Variants in MYH7B observed in about 807,000 individuals in gnomAD.
MYH7B encodes the protein myosin-7B.
MYH7B carries 205 observed loss-of-function variants against 234.5 expected under a neutral mutation model. The observed-to-expected ratio is 0.87, with a 90% CI of 0.78 to 0.98. MYH7B has a LOEUF of 0.98. MYH7B is among the 50% of genes least tolerant of loss of function. MYH7B has a pLI of 0.00. For synonymous variants in MYH7B, 1,193 were observed against 1,105.0 expected (o/e 1.08, Z -1.58); for missense variants, 2,652 against 2,633.4 (o/e 1.01, Z -0.15).
chr20:34,991,746 C>G (rs1205161421), intron 24 of MYH7B, among the ~76,000 whole-genome samples: 1 of 152,194 alleles, frequency 6.6e-6, no homozygotes, highest in Non-Finnish European at 1.5e-5. Flanking sequence ...ATCCATCGTT[C>G]CTTCTCCCTC....
chr20:34,979,529 C>A, intron 6 of MYH7B, 33 bp downstream of exon 6: 1 of 1,600,684 alleles, frequency 6.2e-7, no homozygotes. Context: ...ATTAGCCTCT[C>A]TGTCCCTAGG....
chr20:34,991,229 C>A, intron 24 of MYH7B, 108 bp downstream of exon 24: 1 of 801,000 alleles, frequency 1.2e-6, no homozygotes, highest in Non-Finnish European at 2.0e-6. Flanking sequence ...GAGGGGGAAG[C>A]AGGGACTGTG....
intron 19 of MYH7B, 132 bp downstream of exon 19, chr20:34,988,394 A>C: frequency 9.7e-7 from 1 of 1,026,250 alleles, no homozygotes; most frequent in African/African-American, 1.6e-5. Context: ...TGCAGTAAGC[A>C]TGCATGTGAG....
At chr20:34,999,359 ACTTGAAGCC>A in exon 36 of MYH7B, 4 of 1,545,050 alleles carry the variant, frequency 2.6e-6, no homozygotes, top group Non-Finnish European at 3.5e-6. Context: ...ACGAGGAGGC[ACTTGAAGCC>A]CTGGAGACGC....
exon 24 of MYH7B, chr20:34,991,030 C>T (rs1477152970): frequency 1.9e-6 from 3 of 1,613,606 alleles, no homozygotes; most frequent in Admixed American, 3.3e-5. Flanking sequence ...CTTGGTGCTA[C>T]ACCAGCTGCG....
intron 2 of MYH7B, among the ~76,000 whole-genome samples, chr20:34,963,955 A>G (rs1426351292): frequency 6.6e-6 from 1 of 152,120 alleles, no homozygotes; most frequent in Non-Finnish European, 1.5e-5. Flanking sequence ...TCACTGCTCT[A>G]TAGGTTTCAT....
At chr20:35,002,381 G>A (rs2147253795) in exon 45 of MYH7B, 2 of 502,820 alleles carry the variant, frequency 4.0e-6, no homozygotes, top group Non-Finnish European at 3.3e-6. Flanking sequence ...CAGTCCTAGG[G>A]ACAAAAGCCA....
chr20:34,993,485 G>C lies in MYH7B; in HGVS notation c.2444+15G>C, dbSNP rs1212229475. The C allele has an allele frequency of 6.4e-7, 1 of 1,574,242 alleles. No individual in the cohort carries two copies. The highest frequency in any genetic ancestry group is 2.0e-4 in the Middle Eastern group (1 of 5,026). On this transcript the variant is annotated intron_variant, in intron 26 of 44. Transcript: ENST00000262873. ...CTGGGAGGCAGGTGGGTGTGGGAAG[G>C]AGGCTGGGGACAGGGTGTGTCCCCT...
At chr20:34,988,254 A>G (rs1219324248) in exon 19 of MYH7B, 2 of 1,611,646 alleles carry the variant, frequency 1.2e-6, no homozygotes, top group African/African-American at 1.3e-5. Context: ...CATCGACCTC[A>G]TCGAGAAGGT....
intron 26 of MYH7B, among the ~76,000 whole-genome samples, chr20:34,993,922 C>T (rs187407452): frequency 5.3e-5 from 8 of 152,334 alleles, no homozygotes; most frequent in Admixed American, 1.3e-4. Context: ...TGGTGTCTTC[C>T]GGGAATTGCA....
rs2425014 is a variant in MYH7B, at chr20:34,995,311, T to A, written c.2701-25T>A. On this transcript the variant is annotated intron_variant, in intron 27 of 44. Coordinates refer to ENST00000262873, the Ensembl canonical transcript of MYH7B. The stretch of plus-strand genomic sequence containing the variant: ...TGGTTTACCTGGCCCTCCCCCAACC[T>A]GGCCCCGTTCCGTGTGCCCTCCAGG... 6.2e-7 allele frequency: 1 copy of A among 1,603,056 alleles called. No homozygotes were observed.
chr20:34,967,210 C>T (rs977555632), intron 2 of MYH7B, among the ~76,000 whole-genome samples: 1 of 151,080 alleles, frequency 6.6e-6, no homozygotes, highest in Non-Finnish European at 1.5e-5. Flanking sequence ...GGCTGGGAAA[C>T]AGAACGAGAC....
Position 34,999,417 on chromosome 20 carries a change from C to G in MYH7B, c.4540+12C>G. On this transcript the variant is annotated intron_variant, in intron 36 of 44. Transcript: ENST00000262873. The stretch of plus-strand genomic sequence containing the variant: ...CAAGAACCTGCAGGGTAGGACCTGC[C>G]ACACGCCAGGGCCAGGGTGCTGCCC... The G allele has an allele frequency of 6.6e-7, 1 of 1,508,854 alleles. No individual in the cohort carries two copies. Among genetic ancestry groups the G allele is most frequent in the South Asian group, 1.3e-5 (1 of 74,490 alleles). 93.5% of individuals were successfully genotyped at this position (1,508,854 alleles called of 1,614,324 possible).
At chr20:35,000,889 C>CTGA in exon 40 of MYH7B, 1 of 1,612,126 alleles carries the variant, frequency 6.2e-7, no homozygotes, top group Non-Finnish European at 8.5e-7. Flanking sequence ...AAGGCCATCA[C>CTGA]TGATGTGAGG....
chr20:34,966,324 T>A (rs2081741557), intron 2 of MYH7B, among the ~76,000 whole-genome samples: 1 of 152,124 alleles, frequency 6.6e-6, no homozygotes, highest in Non-Finnish European at 1.5e-5. Context: ...AAACATGAAA[T>A]GAGCAACACC....
At position 34,988,074 on chromosome 20, in the gene MYH7B, G is replaced by A. The variant is rs778087558; in HGVS notation, c.1417-18G>A. The A allele has an allele frequency of 1.3e-5, 21 of 1,605,416 alleles. No individual in the cohort carries two copies. The highest frequency in any genetic ancestry group is 3.3e-5 in the South Asian group (3 of 90,264). On this transcript the variant is annotated intron_variant, in intron 18 of 44. Coordinates refer to ENST00000262873, the Ensembl canonical transcript of MYH7B. ...CATCTGCGAGAGGTCTGCTGAGCCA[G>A]GCCCCTCCCTCTTGTAGTTCAACAG...
intron 44 of MYH7B, 41 bp downstream of exon 44, chr20:35,002,126 T>C (rs1393912100): frequency 6.2e-7 from 1 of 1,608,922 alleles, no homozygotes; most frequent in South Asian, 1.1e-5. Context: ...GCAGGGGGAC[T>C]GTGGGGGCTG....
In MYH7B at chr20:34,964,198, GC is replaced by G. The variant is rs1177828727; in HGVS notation, c.-222+5989del. Among the ~76,000 whole-genome samples, 12 of 152,022 alleles carry G rather than the reference GC, an allele frequency of 7.9e-5. No homozygotes were observed. The East Asian group carries it at 2.1e-3, about 27-fold the overall frequency. On this transcript the variant is annotated intron_variant, in intron 2 of 44. Coordinates refer to ENST00000262873, the Ensembl canonical transcript of MYH7B. ...CTCCTGCCAGCAGTGTATTAGAATT[GC>G]CCTCATTCTGCATCCTCACCGAGAC...
At chr20:34,976,155 T>C (rs901050261) in intron 3 of MYH7B, among the ~76,000 whole-genome samples, 38 of 152,224 alleles carry the variant, frequency 2.5e-4, no homozygotes, top group Non-Finnish European at 4.9e-4. Context: ...ATTTCCTGCC[T>C]CCCAGAGGCT....
Sources: allele counts gnomAD v4.1 joint callset (sites outside exome capture counted in the v4.1 genomes callset), GRCh38; gene constraint gnomAD v4.1.1; transcripts MANE v1.5; gene names NCBI Gene and HGNC (gene_info 2026-07-23, HGNC 2026-07-21).